Variants in IFT172 observed in about 807,000 individuals in gnomAD.
The protein encoded by IFT172 is intraflagellar transport protein 172 homolog.
In IFT172, 164 loss-of-function variants were observed where a neutral mutation model predicts 248.9. That is an observed-to-expected ratio of 0.66 (90% confidence interval 0.58 to 0.75). The LOEUF is 0.75. Ranked by LOEUF, IFT172 falls within the 30% of genes least tolerant of loss-of-function variation. The pLI is 0.00. For synonymous variants in IFT172, 729 were observed against 791.6 expected (o/e 0.92, Z 1.33); for missense variants, 1,950 against 2,192.4 (o/e 0.89, Z 2.21).
In IFT172 at chr2:27,479,562, G is replaced by A. The variant is rs751177541; in HGVS notation, c.952C>T (p.Arg318Ter). 15 of 1,613,432 alleles carry A rather than the reference G, an allele frequency of 9.3e-6. No individual in the cohort carries two copies. The highest frequency in any genetic ancestry group is 4.5e-5 in the East Asian group (2 of 44,884). ...AACTTGTTCTTGTAAATACTCCTTC[G>A]GAGGCAGCAGTCAAACTGTTCCACC... The part of the protein sequence containing the change: ...GGVEQFDCCL[R>*]RSIYKNKFEL... The change falls in exon 10 of 48, where the codon CGA (arginine) becomes TGA (stop). Residue 318 changes from arginine (R) to a stop codon, truncating the protein, a stop_gained. Coordinates refer to ENST00000260570, the MANE Select transcript of IFT172 (RefSeq NM_015662.3). LOFTEE classifies it high-confidence loss of function.
intron 1 of IFT172, among the ~76,000 whole-genome samples, chr2:27,488,126 G>A (rs1175712042): frequency 6.6e-6 from 1 of 151,686 alleles, no homozygotes; most frequent in Non-Finnish European, 1.5e-5. Flanking sequence ...GGGCCTACAG[G>A]TGCTTGCCAC....
At chr2:27,485,291 G>C in intron 2 of IFT172, 69 bp downstream of exon 2, 2 of 1,603,668 alleles carry the variant, frequency 1.2e-6, no homozygotes, top group Non-Finnish European at 1.7e-6. Context: ...CTAGAAGGCA[G>C]ACTACGTCTT....
chr2:27,482,532 G>A (rs1050928104), intron 7 of IFT172, among the ~76,000 whole-genome samples: 7 of 152,180 alleles, frequency 4.6e-5, no homozygotes, highest in Admixed American at 4.6e-4. Context: ...TGATCCACCC[G>A]CCTCGGCCTC....
chr2:27,461,774 A>G lies in IFT172; in HGVS notation c.2178T>C (p.Ala726=), dbSNP rs2148507415. The change falls in exon 21 of 48, where the codon GCT becomes GCC. Residue 726 remains alanine (A), a synonymous_variant. Coordinates refer to ENST00000260570, the MANE Select transcript of IFT172 (RefSeq NM_015662.3). The part of the protein sequence containing the change: ...QELHRWDECI[A]VAEAKGHPAL... ...AAACAGGTACCTTGGCTTCAGCCAC[A>G]GCGATACACTCATCCCAACGGTGTA... 1 of 1,614,196 alleles carries G rather than the reference A, an allele frequency of 6.2e-7. No individual in the cohort carries two copies. Among genetic ancestry groups the G allele is most frequent in the East Asian group, 2.2e-5 (1 of 44,880 alleles).
At chr2:27,463,256 C>T (rs1666822432) in intron 18 of IFT172, 75 bp from the exon 19 acceptor site, 3 of 1,369,634 alleles carry the variant, frequency 2.2e-6, no homozygotes, top group Non-Finnish European at 3.1e-6. Flanking sequence ...TCAGCAAATA[C>T]AAATTGATGT....
chr2:27,449,442 G>A, intron 38 of IFT172, 57 bp downstream of exon 38: 1 of 1,610,346 alleles, frequency 6.2e-7, no homozygotes, highest in South Asian at 1.1e-5. Flanking sequence ...AGAAGAGGGA[G>A]AGAGTCTTGT....
At position 27,485,023 on chromosome 2, in the gene IFT172, T is replaced by G. The variant is rs189236939; in HGVS notation, c.291A>C (p.Glu97Asp). 74 of 1,546,670 alleles carry G rather than the reference T, an allele frequency of 4.8e-5. No individual in the cohort carries two copies. The African/African-American group carries it at 7.5e-4, about 16-fold the overall frequency. Residue 97 changes from glutamate (E) to aspartate (D), a missense_variant, in exon 3 of 48, where the codon GAA becomes GAC. By Grantham distance (45) the Glu-to-Asp change is conservative (BLOSUM62 2). This residue lies in a region of IFT172 where 1,166 missense variants were observed against 1,254.1 expected (regional missense o/e 0.93). Coordinates refer to ENST00000260570, the MANE Select transcript of IFT172 (RefSeq NM_015662.3). The stretch of plus-strand genomic sequence containing the variant: ...CTCCCAGTCTCTATCCTCACCAATC[T>G]TCTCCAATCTTGTAGACATAGATGA... ...DNIIYVYKIG[E>D]DWGDKKVICN...
chr2:27,469,635 C>T (rs547986257), intron 16 of IFT172, among the ~76,000 whole-genome samples: 61 of 152,268 alleles, frequency 4.0e-4, no homozygotes, highest in East Asian at 1.9e-4. Flanking sequence ...AATTCGAGAT[C>T]AGTCTGGCCA....
At chr2:27,481,454 TACACAC>T (rs764036982) in intron 7 of IFT172, among the ~76,000 whole-genome samples, 194 bp from the exon 8 acceptor site, 3 of 135,588 alleles carry the variant, frequency 2.2e-5, no homozygotes, top group African/African-American at 8.3e-5. Context: ...CACACACACA[TACACAC>T]ACACACACAC....
rs530107456 is a variant in IFT172, at chr2:27,447,518, C to A, written c.4656G>T (p.Gln1552His). ...CCTTCGACCCCCTACATCTCACCAG[C>A]TGTTTGACACTCTGGGCTGCAGAGC... The part of the protein sequence containing the change: ...ATRSAAQSVK[Q>H]LETVAARLSV... Residue 1552 changes from glutamine (Q) to histidine (H), a missense_variant, in exon 42 of 48, where the codon CAG becomes CAT. Physicochemically the swap from Gln to His is conservative, Grantham distance 24. Coordinates refer to ENST00000260570, the MANE Select transcript of IFT172 (RefSeq NM_015662.3). 6.2e-7 allele frequency: 1 copy of A among 1,613,970 alleles called. No homozygotes were observed.
chr2:27,458,304 A>G, intron 26 of IFT172, 81 bp from the exon 27 acceptor site: 3 of 1,111,530 alleles, frequency 2.7e-6, no homozygotes, highest in Middle Eastern at 2.0e-4. Flanking sequence ...CTTGTTCAGA[A>G]ACTCTGAACT....
Position 27,461,698 on chromosome 2 carries a change from G to T in IFT172, c.2193+61C>A, listed in dbSNP as rs1054001264. ...GTTTCTATGGCCTCCTTGACAAAAG[G>T]AGGTTTTTGAAATTGGCAGAACCAA... On this transcript the variant is annotated intron_variant, in intron 21 of 47. Transcript: ENST00000260570. The T allele has an allele frequency of 1.6e-5, 26 of 1,604,574 alleles. No homozygotes were observed. In the African/African-American group the frequency reaches 3.1e-4, roughly 19 times the overall value.
chr2:27,477,672 A>T, intron 11 of IFT172, 60 bp from the exon 12 acceptor site: 2 of 1,149,568 alleles, frequency 1.7e-6, no homozygotes. Context: ...ATGCCGAAAG[A>T]ATGAAGAATG....
At chr2:27,488,151 TA>T (rs199744333) in intron 1 of IFT172, among the ~76,000 whole-genome samples, 2 of 151,550 alleles carry the variant, frequency 1.3e-5, no homozygotes, top group African/African-American at 2.4e-5. Context: ...CGAGGCTATT[TA>T]AAAAAAATTT....
chr2:27,454,144 A>T lies in IFT172; in HGVS notation c.3549T>A (p.Asp1183Glu). The change falls in exon 33 of 48, where the codon GAT (aspartate) becomes GAA (glutamate). Residue 1183 changes from aspartate to glutamate, a missense_variant. Transcript: ENST00000260570. This position sits in a 1 kb window ranked among gnomAD's most constrained non-coding sequence, Gnocchi z 4.2. ...CAGCCACACGCTGAGCTGCCTCCCA[A>T]TCCTGGTTATGGACAAACCTGCCTC... is the stretch of plus-strand genomic sequence containing the variant. ...EAVLMFVHNQ[D>E]WEAAQRVAEA... 2.5e-6 allele frequency: 4 copies of T among 1,612,952 alleles called. No homozygotes were observed. The highest frequency in any genetic ancestry group is 3.4e-6 in the Non-Finnish European group (4 of 1,179,470).
intron 39 of IFT172, 100 bp from the exon 40 acceptor site, chr2:27,449,131 G>T: frequency 2.8e-6 from 3 of 1,085,004 alleles, no homozygotes; most frequent in South Asian, 1.3e-5. Flanking sequence ...GAAAAAGGGT[G>T]TACGCAAACC....
chr2:27,447,364 A>C, intron 42 of IFT172, 151 bp downstream of exon 42: 1 of 1,212,122 alleles, frequency 8.2e-7, no homozygotes, highest in Non-Finnish European at 1.1e-6. Flanking sequence ...AGCAAGGGCT[A>C]AAGATTTGTT....
Position 27,454,188 on chromosome 2 carries a change from AGACTGAGTATAG to A in IFT172, c.3531-38_3531-27del. ...CTGCCTCCAGGTGGGGACAGAGGAG[AGACTGAGTATAG>A]GACTGAGGCCCCAATAGTGGGAGAC... On this transcript the variant is annotated intron_variant, in intron 32 of 47. Coordinates refer to ENST00000260570, the MANE Select transcript of IFT172 (RefSeq NM_015662.3). This position sits in a 1 kb window ranked among gnomAD's most constrained non-coding sequence, Gnocchi z 4.2. 6.2e-7 allele frequency: 1 copy of A among 1,607,626 alleles called. No homozygotes were observed. Among genetic ancestry groups the A allele is most frequent in the Non-Finnish European group, 8.5e-7 (1 of 1,176,068 alleles).
intron 26 of IFT172, 113 bp downstream of exon 26, chr2:27,458,666 A>T: frequency 9.0e-6 from 11 of 1,224,414 alleles, no homozygotes; most frequent in South Asian, 5.9e-5. Flanking sequence ...GTTTTTTGGT[A>T]CTCTTTGTCA....
Sources: gnomAD v4.1 joint callset for allele counts (sites outside exome capture counted in the v4.1 genomes callset) on GRCh38, gnomAD v4.1.1 for gene constraint, gnomAD v4.1.1 regional missense constraint, Gnocchi (gnomAD v3.1) non-coding constraint, MANE v1.5 for transcripts, NCBI Gene and HGNC (gene_info 2026-07-23, HGNC 2026-07-21) for gene names.